The following SDF2 variants were observed in gnomAD, a reference collection of about 807,000 sequenced individuals.
SDF2 encodes the protein stromal cell derived factor 2.
Under a neutral mutation model 20.5 loss-of-function variants are expected in SDF2, and 12 were observed. That is an observed-to-expected ratio of 0.58 (90% CI 0.37 to 0.95). SDF2 has a LOEUF of 0.95. SDF2 is among the 40% of genes least tolerant of loss of function. SDF2 has a pLI of 0.01. For missense variants in SDF2, 238 were observed against 263.1 expected (o/e 0.90, Z 0.66); for synonymous variants, 100 against 101.0 (o/e 0.99, Z 0.06).
chr17:28,652,033 C>G (rs973932557), intron 2 of SDF2, among the ~76,000 whole-genome samples: 9 of 152,190 alleles, frequency 5.9e-5, no homozygotes, highest in Admixed American at 5.9e-4. Flanking sequence ...TAGCCAGGCA[C>G]AGTGGGGCAT....
intron 2 of SDF2, among the ~76,000 whole-genome samples, chr17:28,651,977 G>A (rs140218467): frequency 3.3e-5 from 5 of 152,144 alleles, no homozygotes; most frequent in Admixed American, 2.6e-4. Context: ...AGGCTAGGAC[G>A]ATCTATGTGG....
chr17:28,655,893 A>C (rs1310732962), intron 1 of SDF2: 1 of 176,322 alleles, frequency 5.7e-6, no homozygotes, highest in Non-Finnish European at 1.2e-5. Context: ...AAACTTTGTA[A>C]AGTGGTTGGT....
intron 1 of SDF2, chr17:28,661,246 C>T (rs755989722): frequency 2.5e-5 from 11 of 434,274 alleles, no homozygotes; most frequent in East Asian, 2.1e-4. Context: ...TTGTAGTCAA[C>T]GAGTGAGCTC....
intron 2 of SDF2, 27 bp downstream of exon 2, chr17:28,655,260 G>A: frequency 1.2e-6 from 2 of 1,606,112 alleles, no homozygotes; most frequent in African/African-American, 1.3e-5. Context: ...ATGCAGAGCA[G>A]CAACAATCCA....
intron 1 of SDF2, among the ~76,000 whole-genome samples, chr17:28,661,490 T>C (rs548515725): frequency 2.6e-5 from 4 of 152,296 alleles, no homozygotes; most frequent in African/African-American, 9.6e-5. Context: ...ACAACAATGT[T>C]AATAATCGGA....
intron 1 of SDF2, among the ~76,000 whole-genome samples, chr17:28,658,537 T>G (rs905257174): frequency 6.6e-6 from 1 of 152,210 alleles, no homozygotes; most frequent in Non-Finnish European, 1.5e-5. Flanking sequence ...AACCCTGAGT[T>G]GACACAGCAC....
Position 28,648,508 on chromosome 17 carries a change from T to C in SDF2, c.*481A>G, listed in dbSNP as rs1227453380. On this transcript the variant is annotated 3_prime_UTR_variant, in exon 3 of 3. Coordinates refer to ENST00000247020, the MANE Select transcript of SDF2 (RefSeq NM_006923.4). ...TAAAAGGGCCCACATTGGAGCTTCATAGCGTCTCCAAAGAGTCTTAGGACT... is the reference window on the plus strand; with the variant it reads ...TAAAAGGGCCCACATTGGAGCTTCACAGCGTCTCCAAAGAGTCTTAGGACT... The C allele has an allele frequency of 6.3e-6, 1 of 159,480 alleles. No individual in the cohort carries two copies. The highest frequency in any genetic ancestry group is 1.4e-5 in the Non-Finnish European group (1 of 72,218). The allele number at this position is 159,480 out of a possible 1,614,324, so 9.9% of individuals were successfully genotyped here.
chr17:28,651,859 C>A (rs1486517076), intron 2 of SDF2, among the ~76,000 whole-genome samples: 1 of 151,920 alleles, frequency 6.6e-6, no homozygotes, highest in Non-Finnish European at 1.5e-5. Context: ...TCTGATACTG[C>A]TATATTTGTA....
chr17:28,661,364 T>C, intron 1 of SDF2: 2 of 346,398 alleles, frequency 5.8e-6, no homozygotes, highest in East Asian at 1.4e-4. Flanking sequence ...CCTGGATAGA[T>C]TTGGATAGAA....
upstream of SDF2, chr17:28,661,964 G>A (rs988309756): frequency 2.2e-5 from 32 of 1,475,402 alleles, no homozygotes; most frequent in Non-Finnish European, 3.0e-5. Flanking sequence ...ACGGAGAGAA[G>A]GAAGTGAAGA....
intron 1 of SDF2, among the ~76,000 whole-genome samples, chr17:28,656,694 G>A (rs556311658): frequency 1.3e-5 from 2 of 152,262 alleles, no homozygotes; most frequent in East Asian, 3.9e-4. Flanking sequence ...TGCATCAAAG[G>A]ATATCCAAGG....
intron 2 of SDF2, among the ~76,000 whole-genome samples, chr17:28,650,890 T>C (rs111525387): frequency 6.0e-5 from 9 of 150,594 alleles, no homozygotes; most frequent in South Asian, 2.1e-4. Flanking sequence ...AGTGGTCTTA[T>C]GGCCTCACCT....
intron 1 of SDF2, among the ~76,000 whole-genome samples, chr17:28,660,057 G>A (rs573404302): frequency 1.4e-3 from 220 of 152,332 alleles, no homozygotes; most frequent in African/African-American, 4.9e-3. Flanking sequence ...CAGCCAACAC[G>A]GCGAAACCCC....
At chr17:28,650,505 G>A (rs1389309349) in intron 2 of SDF2, among the ~76,000 whole-genome samples, 1 of 151,496 alleles carries the variant, frequency 6.6e-6, no homozygotes, top group Non-Finnish European at 1.5e-5. Context: ...TGGGATTGTG[G>A]CCAGGTACGG....
At chr17:28,652,414 G>C (rs534331793) in intron 2 of SDF2, among the ~76,000 whole-genome samples, 1 of 151,962 alleles carries the variant, frequency 6.6e-6, no homozygotes, top group Non-Finnish European at 1.5e-5. Context: ...AGGTTCAAAC[G>C]ATTCTCCTAC....
chr17:28,661,088 A>G (rs2072031956), intron 1 of SDF2: 1 of 372,732 alleles, frequency 2.7e-6, no homozygotes, highest in African/African-American at 2.1e-5. Flanking sequence ...AACGCTAAAA[A>G]AAAAAAAAAA....
At chr17:28,661,598 A>C (rs2072044614) in intron 1 of SDF2, 128 bp downstream of exon 1, 1 of 961,018 alleles carries the variant, frequency 1.0e-6, no homozygotes, top group East Asian at 2.4e-5. Context: ...CCGACTCTCT[A>C]GACCTGAGGA....
At chr17:28,660,670 G>A (rs1808904407) in intron 1 of SDF2, 1 of 152,748 alleles carries the variant, frequency 6.5e-6, no homozygotes, top group South Asian at 2.0e-4. Context: ...CTGAATGGGT[G>A]CTAGAATTAT....
At chr17:28,652,829 C>T (rs2071926278) in intron 2 of SDF2, among the ~76,000 whole-genome samples, 1 of 152,152 alleles carries the variant, frequency 6.6e-6, no homozygotes, top group Admixed American at 6.5e-5. Context: ...AAAGTGCAGG[C>T]ACATATACAC....
Sources: gnomAD v4.1 joint callset for allele counts (sites outside exome capture counted in the v4.1 genomes callset) on GRCh38, gnomAD v4.1.1 for gene constraint, MANE v1.5 for transcripts, NCBI Gene and HGNC (gene_info 2026-07-23, HGNC 2026-07-21) for gene names.